Variants in TEX36 observed in about 807,000 individuals in gnomAD.
TEX36 encodes testis expressed 36.
TEX36 carries 12 observed loss-of-function variants against 13.6 expected under a neutral mutation model. That is an observed-to-expected ratio of 0.88 (90% CI 0.56 to 1.43). TEX36 has a LOEUF of 1.43. Among genes scored for constraint, TEX36 ranks in the 40% most tolerant of loss-of-function variants. The pLI is 0.00. For missense variants in TEX36, 224 were observed against 228.3 expected, an observed-to-expected ratio of 0.98 and a Z score of 0.12; for synonymous variants, 93 against 83.0, an observed-to-expected ratio of 1.12 and a Z score of -0.65.
chr10:125,613,528 G>T lies in TEX36; in HGVS notation c.265-36654C>A, dbSNP rs571990101. Among the ~76,000 whole-genome samples, 13 of 146,162 alleles carry T rather than the reference G, an allele frequency of 8.9e-5. 1 individual carries two copies. The South Asian group carries it at 2.6e-3, about 29-fold the overall frequency. On this transcript the variant is annotated intron_variant, in intron 3 of 3. Transcript: ENST00000532135. ...TCTCACCTATGAGTTAGAATATGCG[G>T]TGTTTGGTTTTTTGTTCTTGCGATA...
intron 1 of TEX36, among the ~76,000 whole-genome samples, chr10:125,666,173 T>C (rs1847118520): frequency 6.6e-6 from 1 of 152,190 alleles, no homozygotes; most frequent in South Asian, 2.1e-4. Context: ...TCTTTTCCAA[T>C]TTGGATGCTT....
intron 3 of TEX36, among the ~76,000 whole-genome samples, chr10:125,648,127 C>T (rs533230435): frequency 2.3e-4 from 35 of 152,314 alleles, no homozygotes; most frequent in Admixed American, 2.2e-3. Flanking sequence ...ACTTAAATGT[C>T]CCTGTCTGAC....
chr10:125,586,666 G>A (rs1285877648), intron 3 of TEX36, among the ~76,000 whole-genome samples: 3 of 149,160 alleles, frequency 2.0e-5, no homozygotes, highest in Non-Finnish European at 4.4e-5. Context: ...AATTAGCCAG[G>A]CATGGTGTCA....
intron 3 of TEX36, among the ~76,000 whole-genome samples, chr10:125,586,895 C>A (rs139822813): frequency 6.6e-6 from 1 of 152,162 alleles, no homozygotes; most frequent in East Asian, 1.9e-4. Context: ...GGAGGTGGGG[C>A]CTGGTGGGAG....
intron 3 of TEX36, among the ~76,000 whole-genome samples, chr10:125,592,671 AC>A (rs1846035507): frequency 6.6e-6 from 1 of 152,106 alleles, no homozygotes; most frequent in Admixed American, 6.5e-5. Context: ...GCTCAGTCCT[AC>A]AGCACTCCCA....
chr10:125,666,879 T>C (rs1177363757), intron 1 of TEX36: 4 of 383,766 alleles, frequency 1.0e-5, no homozygotes, highest in Non-Finnish European at 2.0e-5. Context: ...CTCCACTTAG[T>C]AGGTATGGTT....
chr10:125,653,145 C>A (rs1248794807), downstream of TEX36, among the ~76,000 whole-genome samples: 1 of 151,990 alleles, frequency 6.6e-6, no homozygotes, highest in Non-Finnish European at 1.5e-5. Flanking sequence ...GGGCATATAC[C>A]CAAAGGATTA....
chr10:125,599,874 A>G (rs759665801), intron 3 of TEX36, among the ~76,000 whole-genome samples: 4 of 152,090 alleles, frequency 2.6e-5, no homozygotes, highest in Admixed American at 6.5e-5. Flanking sequence ...CCTGGCTTCC[A>G]GGCCACCCCA....
intron 3 of TEX36, among the ~76,000 whole-genome samples, chr10:125,581,663 C>G (rs772273005): frequency 2.0e-5 from 3 of 152,210 alleles, no homozygotes; most frequent in Non-Finnish European, 4.4e-5. Flanking sequence ...CTTTTTCCCC[C>G]CTAAGGTTGA....
At chr10:125,643,290 C>A (rs1846716206) in intron 3 of TEX36, among the ~76,000 whole-genome samples, 1 of 152,138 alleles carries the variant, frequency 6.6e-6, no homozygotes, top group South Asian at 2.1e-4. Context: ...ATGCAGACAG[C>A]GTGAGAAGAA....
chr10:125,599,032 C>A (rs961025021), intron 3 of TEX36, among the ~76,000 whole-genome samples: 1 of 152,142 alleles, frequency 6.6e-6, no homozygotes, highest in African/African-American at 2.4e-5. Context: ...CACTCCGTAC[C>A]CCCTGCCTTC....
chr10:125,680,450 T>C (rs190963539), intron 1 of TEX36, among the ~76,000 whole-genome samples: 1 of 152,356 alleles, frequency 6.6e-6, no homozygotes, highest in East Asian at 1.9e-4. Flanking sequence ...TTCTGTTAGA[T>C]ATTGTAACCG....
intron 3 of TEX36, among the ~76,000 whole-genome samples, chr10:125,601,957 C>T (rs559065947): frequency 6.6e-5 from 10 of 152,178 alleles, no homozygotes; most frequent in Non-Finnish European, 1.2e-4. Context: ...GCTCTTGCTG[C>T]TCTGCCAAAG....
chr10:125,596,611 G>A (rs985089864), intron 3 of TEX36, among the ~76,000 whole-genome samples: 1 of 152,180 alleles, frequency 6.6e-6, no homozygotes, highest in Non-Finnish European at 1.5e-5. Context: ...TTACCTTATT[G>A]TTGTTTTAAG....
chr10:125,675,855 T>C (rs989132487), intron 1 of TEX36, among the ~76,000 whole-genome samples: 7 of 152,216 alleles, frequency 4.6e-5, no homozygotes, highest in Non-Finnish European at 8.8e-5. Flanking sequence ...ACTAATTTTA[T>C]CCCAATTTCT....
At chr10:125,580,089 G>A (rs543494638) in intron 3 of TEX36, among the ~76,000 whole-genome samples, 136 of 152,312 alleles carry the variant, frequency 8.9e-4, no homozygotes, top group Non-Finnish European at 1.7e-3. Context: ...CTCTGAAAAG[G>A]CATGGTCTGT....
chr10:125,660,531 A>T (rs1252593392), intron 3 of TEX36, among the ~76,000 whole-genome samples: 2 of 152,210 alleles, frequency 1.3e-5, no homozygotes, highest in Non-Finnish European at 2.9e-5. Context: ...TCTATCACAC[A>T]GTGCTGTGTG....
In TEX36 at chr10:125,633,771, A is replaced by G. The variant is rs114422895; in HGVS notation, c.265-12126T>C. 4.3e-3 allele frequency among the ~76,000 whole-genome samples: 655 copies of G among 152,340 alleles called. 13 individuals carry two copies. The highest frequency in any genetic ancestry group is 0.015 in the African/African-American group (628 of 41,578). On this transcript the variant is annotated intron_variant, in intron 3 of 3. Transcript: ENST00000526819. ...TGAGTACTTTCTAAGCCCCATCGAC[A>G]TCAGGGAATCAGGAAATTAAACTTT...
intron 3 of TEX36, among the ~76,000 whole-genome samples, chr10:125,615,861 C>T (rs1236674761): frequency 2.6e-5 from 4 of 152,154 alleles, no homozygotes; most frequent in Admixed American, 6.5e-5. Flanking sequence ...AGGAAAGGTA[C>T]CAGTTCCCCC....
Sources: allele counts gnomAD v4.1 joint callset (sites outside exome capture counted in the v4.1 genomes callset), GRCh38; gene constraint gnomAD v4.1.1; transcripts MANE v1.5; gene names NCBI Gene and HGNC (gene_info 2026-07-23, HGNC 2026-07-21).